Variants in SLC24A4 observed in about 807,000 individuals in gnomAD.
The protein encoded by SLC24A4 is solute carrier family 24 member 4.
In SLC24A4, 53 loss-of-function variants were observed where a neutral mutation model predicts 79.0. The ratio of observed to expected loss-of-function variants is 0.67; its 90% CI spans 0.54 to 0.84. SLC24A4 has a LOEUF of 0.84. Ranked by LOEUF, SLC24A4 falls within the 40% of genes least tolerant of loss-of-function variation. The pLI is 0.00. For synonymous variants in SLC24A4, 323 were observed against 323.8 expected (o/e 1.00, Z 0.03); for missense variants, 731 against 822.0 (o/e 0.89, Z 1.35).
At chr14:92,434,962 C>T (rs1447052913) in intron 3 of SLC24A4, among the ~76,000 whole-genome samples, 7 of 151,964 alleles carry the variant, frequency 4.6e-5, no homozygotes, top group Admixed American at 3.9e-4. Flanking sequence ...TTAGTAGAGA[C>T]GGGGTTTAAC....
At chr14:92,484,662 T>C (rs1895258203) in intron 13 of SLC24A4, 9 of 985,288 alleles carry the variant, frequency 9.1e-6, no homozygotes, top group Admixed American at 6.2e-5. Flanking sequence ...ACCCTGGCCT[T>C]GGTTCAGCTA....
At chr14:92,383,777 C>T (rs1301412187) in intron 2 of SLC24A4, among the ~76,000 whole-genome samples, 3 of 152,190 alleles carry the variant, frequency 2.0e-5, no homozygotes, top group Non-Finnish European at 4.4e-5. Context: ...GACATCTACA[C>T]GCCCTCGTCA....
At chr14:92,458,351 G>T (rs1893604311) in intron 12 of SLC24A4, among the ~76,000 whole-genome samples, 1 of 152,168 alleles carries the variant, frequency 6.6e-6, no homozygotes, top group Non-Finnish European at 1.5e-5. Context: ...TGACCAGAAG[G>T]CCGAGGGGAT....
chr14:92,432,118 G>C (rs1409936728), intron 2 of SLC24A4, among the ~76,000 whole-genome samples: 2 of 152,142 alleles, frequency 1.3e-5, no homozygotes, highest in African/African-American at 2.4e-5. Context: ...AACTCTGCCA[G>C]TGACCACTGT....
chr14:92,477,777 CTTTTCTCTT>C (rs1340147124), intron 12 of SLC24A4, among the ~76,000 whole-genome samples: 1 of 110,802 alleles, frequency 9.0e-6, no homozygotes, highest in Non-Finnish European at 1.8e-5. Context: ...TTTCTTTTTT[CTTTTCTCTT>C]TTTTTTTTTT....
intron 9 of SLC24A4, among the ~76,000 whole-genome samples, chr14:92,448,581 C>A (rs937383117): frequency 6.6e-6 from 1 of 152,174 alleles, no homozygotes; most frequent in Non-Finnish European, 1.5e-5. Flanking sequence ...ACTCTGAGTG[C>A]CTTTCAGCGA....
At chr14:92,439,643 C>T (rs1438600575) in intron 4 of SLC24A4, among the ~76,000 whole-genome samples, 1 of 152,264 alleles carries the variant, frequency 6.6e-6, no homozygotes, top group Non-Finnish European at 1.5e-5. Context: ...AGTGTGAGAT[C>T]ACTACCCAGA....
chr14:92,372,676 A>G (rs1888236064), intron 2 of SLC24A4, among the ~76,000 whole-genome samples: 1 of 152,016 alleles, frequency 6.6e-6, no homozygotes, highest in South Asian at 2.1e-4. Context: ...GAATCGGAGG[A>G]TCTAGCTCGA....
intron 12 of SLC24A4, among the ~76,000 whole-genome samples, chr14:92,464,654 C>A (rs756324560): frequency 2.0e-5 from 3 of 152,150 alleles, no homozygotes; most frequent in Non-Finnish European, 4.4e-5. Flanking sequence ...CTTTTCAAAT[C>A]AGAGACCTAA....
At chr14:92,330,294 A>C (rs1451902903) in intron 2 of SLC24A4, among the ~76,000 whole-genome samples, 1 of 152,222 alleles carries the variant, frequency 6.6e-6, no homozygotes, top group Non-Finnish European at 1.5e-5. Context: ...GAATGTTAAC[A>C]CTTATTTAAT....
In SLC24A4 at chr14:92,449,181, G is replaced by C; in HGVS notation, c.845G>C (p.Ser282Thr). 1 of 1,614,154 alleles carries C rather than the reference G, an allele frequency of 6.2e-7. No individual in the cohort carries two copies. Among genetic ancestry groups the C allele is most frequent in the Non-Finnish European group, 8.5e-7 (1 of 1,180,036 alleles). The change falls in exon 10 of 17, where the codon AGC becomes ACC. Residue 282 changes from serine (S) to threonine (T), a missense_variant. Transcript: ENST00000532405. ...LEAGNDFYDG[S>T]YDDPSVPLLG... ...GCTGGTAATGATTTCTATGACGGTAGCTATGATGACCCTTCCGTGCCATTG... is the reference window on the plus strand; with the variant it reads ...GCTGGTAATGATTTCTATGACGGTACCTATGATGACCCTTCCGTGCCATTG...
intron 2 of SLC24A4, among the ~76,000 whole-genome samples, chr14:92,428,601 G>A (rs1008099192): frequency 5.3e-5 from 8 of 152,206 alleles, no homozygotes; most frequent in African/African-American, 1.9e-4. Flanking sequence ...TTTATAGGAC[G>A]GCTGAGGAAT....
At chr14:92,349,520 T>A (rs949293456) in intron 2 of SLC24A4, among the ~76,000 whole-genome samples, 1 of 152,210 alleles carries the variant, frequency 6.6e-6, no homozygotes, top group African/African-American at 2.4e-5. Flanking sequence ...TTTGAGATGA[T>A]TGTAGATTGG....
Position 92,501,364 on chromosome 14 carries a change from A to T in SLC24A4, c.*7736A>T, listed in dbSNP as rs1033786624. 2.0e-5 allele frequency: 3 copies of T among 152,212 alleles called. No homozygotes were observed. The highest frequency in any genetic ancestry group is 6.5e-5 in the Admixed American group (1 of 15,286). 9.4% of individuals were successfully genotyped at this position (152,212 alleles called of 1,614,324 possible). The stretch of plus-strand genomic sequence containing the variant: ...TGAACACTGGCATGAGTTTATTTTT[A>T]TTGTGAAGAAAAAAATCTACAGCAA... On this transcript the variant is annotated 3_prime_UTR_variant, in exon 17 of 17. Transcript: ENST00000532405.
At chr14:92,338,508 CT>C (rs1885943951) in intron 2 of SLC24A4, among the ~76,000 whole-genome samples, 1 of 152,166 alleles carries the variant, frequency 6.6e-6, no homozygotes, top group African/African-American at 2.4e-5. Flanking sequence ...GATGCAGTGC[CT>C]GCCTAGAATA....
chr14:92,472,965 A>G (rs1296345856), intron 12 of SLC24A4, among the ~76,000 whole-genome samples: 2 of 152,178 alleles, frequency 1.3e-5, no homozygotes, highest in African/African-American at 2.4e-5. Flanking sequence ...CATGAAAGCC[A>G]CAATAAAGGC....
chr14:92,483,302 G>A (rs1179171146), intron 13 of SLC24A4, among the ~76,000 whole-genome samples: 1 of 152,202 alleles, frequency 6.6e-6, no homozygotes, highest in Admixed American at 6.5e-5. Flanking sequence ...GCTGGTTTAA[G>A]CCCTTCATAT....
chr14:92,436,239 T>C (rs1892158268), intron 3 of SLC24A4, among the ~76,000 whole-genome samples: 1 of 152,290 alleles, frequency 6.6e-6, no homozygotes, highest in South Asian at 2.1e-4. Context: ...CCATCAGATC[T>C]CGTGAGAATT....
chr14:92,482,517 G>A (rs1482095578), intron 12 of SLC24A4, among the ~76,000 whole-genome samples, 163 bp from the exon 13 acceptor site: 1 of 152,242 alleles, frequency 6.6e-6, no homozygotes, highest in African/African-American at 2.4e-5. Flanking sequence ...CTTCCAGGGT[G>A]ACATTATGGA....
Sources: allele counts gnomAD v4.1 joint callset (sites outside exome capture counted in the v4.1 genomes callset), GRCh38; gene constraint gnomAD v4.1.1; transcripts MANE v1.5; gene names NCBI Gene and HGNC (gene_info 2026-07-23, HGNC 2026-07-21).